The following BRSK2 variants were observed in gnomAD, a reference collection of about 807,000 sequenced individuals.
BRSK2 encodes the protein serine/threonine-protein kinase BRSK2.
A neutral mutation model predicts 83.3 loss-of-function variants in BRSK2; 19 were observed. The observed-to-expected ratio is 0.23, with a 90% CI of 0.16 to 0.33. BRSK2 has a LOEUF of 0.33. Ranked by LOEUF, BRSK2 falls within the 10% of genes least tolerant of loss-of-function variation. The pLI is 1.00. For missense variants in BRSK2, 798 were observed against 1,042.3 expected, an observed-to-expected ratio of 0.77 and a Z score of 3.23; for synonymous variants, 519 against 435.4, an observed-to-expected ratio of 1.19 and a Z score of -2.39.
intron 1 of BRSK2, among the ~76,000 whole-genome samples, chr11:1,409,181 G>A (rs1019759340): frequency 2.0e-5 from 3 of 152,096 alleles, no homozygotes; most frequent in Admixed American, 6.6e-5. Flanking sequence ...TCTCTGCCCC[G>A]CCCCAGCCAT....
intron 1 of BRSK2, among the ~76,000 whole-genome samples, chr11:1,407,541 G>T (rs892710002): frequency 6.6e-6 from 1 of 152,060 alleles, no homozygotes; most frequent in East Asian, 1.9e-4. Flanking sequence ...CCTTCATGGG[G>T]TGCCTCAGAC....
intron 1 of BRSK2, among the ~76,000 whole-genome samples, chr11:1,408,006 C>T (rs1257295323): frequency 2.0e-5 from 3 of 152,252 alleles, no homozygotes; most frequent in Admixed American, 1.3e-4. Flanking sequence ...TGCCTGGGCA[C>T]CTCCTCCATC....
At position 1,450,696 on chromosome 11, in the gene BRSK2, C is replaced by G. The variant is rs1396406644; in HGVS notation, c.1397C>G (p.Ser466Cys). 1 of 1,608,868 alleles carries G rather than the reference C, an allele frequency of 6.2e-7. No homozygotes were observed. The highest frequency in any genetic ancestry group is 8.5e-7 in the Non-Finnish European group (1 of 1,178,608). Residue 466 changes from serine to cysteine, a missense_variant, in exon 14 of 20, where the codon TCC becomes TGC. Coordinates refer to ENST00000528841, the MANE Select transcript of BRSK2 (RefSeq NM_001256627.2). ...GGCACGCCCAACCCCACGCCCCCGT[C>G]CAGCCCCAGCGTCGGAGGGGTGCCC... ...PAGTPNPTPP[S>C]SPSVGGVPWR...
intron 12 of BRSK2, among the ~76,000 whole-genome samples, chr11:1,446,657 C>A (rs954514963): frequency 1.0e-4 from 15 of 150,364 alleles, no homozygotes; most frequent in African/African-American, 3.7e-4. Flanking sequence ...CCCTCTGGAG[C>A]CTCTGCTGGG....
intron 9 of BRSK2, 60 bp from the exon 10 acceptor site, chr11:1,445,234 C>G: frequency 1.3e-6 from 2 of 1,545,058 alleles, no homozygotes; most frequent in Non-Finnish European, 8.7e-7. Flanking sequence ...GCGTCCCACC[C>G]TCGCAGCCGC....
At chr11:1,459,857 A>G (rs926139214) in intron 19 of BRSK2, among the ~76,000 whole-genome samples, 44 of 151,856 alleles carry the variant, frequency 2.9e-4, no homozygotes, top group African/African-American at 1.0e-3. Flanking sequence ...CCATCTGTTC[A>G]TCTGTCTGTC....
At chr11:1,441,029 T>G in intron 4 of BRSK2, 101 bp downstream of exon 4, 1 of 1,029,024 alleles carries the variant, frequency 9.7e-7, no homozygotes, top group Non-Finnish European at 1.4e-6. Flanking sequence ...CCCCCTATGG[T>G]GCTATTCCGA....
At chr11:1,410,271 C>T (rs1179343960) in intron 1 of BRSK2, among the ~76,000 whole-genome samples, 3 of 73,418 alleles carry the variant, frequency 4.1e-5, no homozygotes, top group South Asian at 6.1e-4. Context: ...TTGCAGAGTC[C>T]GTGTTTGGGG....
intron 1 of BRSK2, among the ~76,000 whole-genome samples, chr11:1,397,477 C>T (rs1401695399): frequency 4.6e-5 from 7 of 152,358 alleles, no homozygotes; most frequent in East Asian, 1.9e-4. Context: ...AGAAACTCCT[C>T]GTTTTCCTGG....
intron 4 of BRSK2, 119 bp downstream of exon 4, chr11:1,441,047 C>T: frequency 1.2e-6 from 1 of 847,452 alleles, no homozygotes; most frequent in Non-Finnish European, 1.8e-6. Flanking sequence ...CGAGGTACAC[C>T]ATGCCCCCCA....
At chr11:1,446,379 A>AGGGCT (rs147303419) in intron 12 of BRSK2, among the ~76,000 whole-genome samples, 4,522 of 118,314 alleles carry the variant, frequency 0.038, 182 homozygotes, top group African/African-American at 0.12. Flanking sequence ...TGAGCTGGGC[A>AGGGCT]GGGCTGGGCT....
At chr11:1,429,406 G>A (rs1048537029) in intron 1 of BRSK2, among the ~76,000 whole-genome samples, 14 of 147,322 alleles carry the variant, frequency 9.5e-5, no homozygotes, top group Non-Finnish European at 1.5e-4. Flanking sequence ...GTAGGCACAG[G>A]GGTGTGCACG....
intron 1 of BRSK2, among the ~76,000 whole-genome samples, chr11:1,391,400 C>T (rs1448221364): frequency 6.6e-6 from 1 of 152,168 alleles, no homozygotes; most frequent in Non-Finnish European, 1.5e-5. Context: ...GGAGGCTCAG[C>T]CCCTCACGGC....
rs190742706 is a variant in BRSK2 at position 1,427,343 on chromosome 11, C to T, written c.92-8697C>T. 2.5e-3 allele frequency among the ~76,000 whole-genome samples: 375 copies of T among 152,334 alleles called. 3 individuals are homozygous for T. The highest frequency in any genetic ancestry group is 8.8e-3 in the African/African-American group (365 of 41,576). On this transcript the variant is annotated intron_variant, in intron 1 of 19. Transcript: ENST00000528841. ...CCCTCACTTCTTGGCCAGCCTGGGACTTGAGTCAGGGCCTGCTCTCAGATA... is the reference window on the plus strand; with the variant it reads ...CCCTCACTTCTTGGCCAGCCTGGGATTTGAGTCAGGGCCTGCTCTCAGATA...
chr11:1,460,860 G>C lies in BRSK2; in HGVS notation c.*137G>C, dbSNP rs1847413511. The C allele has an allele frequency of 6.4e-7, 1 of 1,564,300 alleles. No individual in the cohort carries two copies. Among genetic ancestry groups the C allele is most frequent in the African/African-American group, 1.4e-5 (1 of 73,690 alleles). On this transcript the variant is annotated 3_prime_UTR_variant, in exon 20 of 20. Transcript: ENST00000528841. ...CTCAGAGCCTGGGAGGAAAGGAAAG[G>C]GGCGTTGGGGCCGGCCTGTGGGCTG...
At chr11:1,400,766 G>C (rs887652436) in intron 1 of BRSK2, among the ~76,000 whole-genome samples, 1 of 152,238 alleles carries the variant, frequency 6.6e-6, no homozygotes, top group Non-Finnish European at 1.5e-5. Context: ...CCTGGGCCCT[G>C]CGGCCACCCA....
chr11:1,400,817 C>G (rs1846424968), intron 1 of BRSK2, among the ~76,000 whole-genome samples: 2 of 152,230 alleles, frequency 1.3e-5, no homozygotes, highest in African/African-American at 4.8e-5. Flanking sequence ...AGATGAGGAG[C>G]CGGTCCAGGG....
chr11:1,394,183 C>T (rs1462355867), intron 1 of BRSK2, among the ~76,000 whole-genome samples: 7 of 104,664 alleles, frequency 6.7e-5, no homozygotes, highest in Admixed American at 9.2e-5. Flanking sequence ...GGAGATGGGC[C>T]CCTGGAGATG....
At position 1,395,758 on chromosome 11, in the gene BRSK2, C is replaced by T. The variant is rs140538646; in HGVS notation, c.91+5383C>T. Among the ~76,000 whole-genome samples the T allele has an allele frequency of 1.8e-3, 280 of 152,286 alleles. 1 individual carries two copies. The highest frequency in any genetic ancestry group is 0.012 in the South Asian group (59 of 4,832). On this transcript the variant is annotated intron_variant, in intron 1 of 19. Transcript: ENST00000528841. ...GTGCTGGCCCTGCTCTGCTGAGGTGCGTGCACGCCGTGGATTTCCTGGATG... is the reference window on the plus strand; with the variant it reads ...GTGCTGGCCCTGCTCTGCTGAGGTGTGTGCACGCCGTGGATTTCCTGGATG...
Sources: allele counts gnomAD v4.1 joint callset (sites outside exome capture counted in the v4.1 genomes callset), GRCh38; gene constraint gnomAD v4.1.1; transcripts MANE v1.5; gene names NCBI Gene and HGNC (gene_info 2026-07-23, HGNC 2026-07-21).